The following KIAA2012 variants were observed in gnomAD, a reference collection of about 807,000 sequenced individuals.
KIAA2012 encodes uncharacterized protein KIAA2012.
In KIAA2012, 125 loss-of-function variants were observed where a neutral mutation model predicts 150.6. The observed-to-expected ratio is 0.83, with a 90% CI of 0.72 to 0.96. The LOEUF (loss-of-function observed/expected upper bound fraction) is 0.96, where lower values mean the gene tolerates loss of function less well. KIAA2012 is among the 40% of genes least tolerant of loss of function. KIAA2012 has a pLI of 0.00. For missense variants in KIAA2012, 1,219 were observed against 1,354.9 expected (o/e 0.90, Z 1.57); for synonymous variants, 462 against 504.7 (o/e 0.92, Z 1.13).
At chr2:202,190,095 A>G (rs1247341484) in intron 18 of KIAA2012, 79 bp from the exon 19 acceptor site, 20 of 1,243,550 alleles carry the variant, frequency 1.6e-5, no homozygotes, top group Non-Finnish European at 2.1e-5. Flanking sequence ...CTCAAAAAAA[A>G]AAAGTTACTA....
rs1410958613 is a variant in KIAA2012, at chr2:202,190,499, G to T, written c.2811+6G>T. ...GATGTGAGGACCCTTCCAAGGTAGG[G>T]TCTGATGTCCTCAGCTTGACAGAGG... On this transcript the variant is annotated splice_donor_region_variant and intron_variant, in intron 19 of 23. Coordinates refer to ENST00000498697, the MANE Select transcript of KIAA2012 (RefSeq NM_001277372.4). 2.0e-6 allele frequency: 3 copies of T among 1,492,798 alleles called. No homozygotes were observed. Among genetic ancestry groups the T allele is most frequent in the Non-Finnish European group, 2.7e-6 (3 of 1,119,748 alleles). The allele number at this position is 1,492,798 out of a possible 1,614,324, so 92.5% of individuals were successfully genotyped here. A position where few individuals can be genotyped will look rare whatever the true frequency, so the allele number is the denominator to read the frequency against.
At chr2:202,146,496 G>A (rs1691299658) in intron 13 of KIAA2012, among the ~76,000 whole-genome samples, 1 of 152,062 alleles carries the variant, frequency 6.6e-6, no homozygotes, top group Non-Finnish European at 1.5e-5. Context: ...GCCAGGTGTG[G>A]TAGTACTCAC....
intron 22 of KIAA2012, among the ~76,000 whole-genome samples, chr2:202,200,697 AATTTT>A (rs1692501166): frequency 7.9e-6 from 1 of 127,032 alleles, no homozygotes; most frequent in Non-Finnish European, 1.6e-5. Flanking sequence ...CAATCAGAAT[AATTTT>A]GGAACTTTTT....
intron 10 of KIAA2012, among the ~76,000 whole-genome samples, chr2:202,111,045 A>G (rs1040223000): frequency 1.3e-5 from 2 of 152,088 alleles, no homozygotes; most frequent in Non-Finnish European, 2.9e-5. Flanking sequence ...TGTGACAGCA[A>G]TGCTCTTTTC....
intron 8 of KIAA2012, among the ~76,000 whole-genome samples, chr2:202,105,117 A>C (rs963284817): frequency 7.3e-6 from 1 of 137,108 alleles, no homozygotes; most frequent in Admixed American, 7.3e-5. Flanking sequence ...GCAAAAATAA[A>C]GAAAAGGAAA....
intron 15 of KIAA2012, among the ~76,000 whole-genome samples, chr2:202,169,114 C>T (rs1310227676): frequency 6.6e-6 from 1 of 152,116 alleles, no homozygotes; most frequent in East Asian, 1.9e-4. Context: ...TGCACAAATG[C>T]TTAATTGGGT....
intron 6 of KIAA2012, 42 bp from the exon 7 acceptor site, chr2:202,100,265 A>G (rs1377789714): frequency 6.5e-7 from 1 of 1,530,170 alleles, no homozygotes; most frequent in Admixed American, 2.0e-5. Flanking sequence ...TCATCCCCCT[A>G]CCTGCAATTA....
chr2:202,098,722 T>C (rs1259013113), intron 5 of KIAA2012, among the ~76,000 whole-genome samples: 2 of 152,098 alleles, frequency 1.3e-5, no homozygotes, highest in East Asian at 1.9e-4. Context: ...TATTATCATA[T>C]GTCTAACAAG....
At chr2:202,107,882 A>G (rs771412505) in intron 9 of KIAA2012, among the ~76,000 whole-genome samples, 1 of 152,040 alleles carries the variant, frequency 6.6e-6, no homozygotes, top group African/African-American at 2.4e-5. Context: ...GGTGGCACAC[A>G]CCTGTAATCC....
At chr2:202,170,932 A>G (rs1038088211) in intron 15 of KIAA2012, among the ~76,000 whole-genome samples, 9 of 152,190 alleles carry the variant, frequency 5.9e-5, no homozygotes, top group African/African-American at 9.7e-5. Flanking sequence ...AGATGAGACA[A>G]TTGAGGCACA....
At chr2:202,186,002 A>G (rs1007770231) in intron 16 of KIAA2012, among the ~76,000 whole-genome samples, 10 of 152,200 alleles carry the variant, frequency 6.6e-5, no homozygotes, top group African/African-American at 2.2e-4. Flanking sequence ...AGCTAAAAAA[A>G]ATAAAATAAA....
At chr2:202,197,220 A>C (rs1692431762) in intron 22 of KIAA2012, 2 of 828,026 alleles carry the variant, frequency 2.4e-6, no homozygotes, top group Admixed American at 2.9e-5. Context: ...GTTGTAATGA[A>C]TCTACAAGGG....
rs1690013368 is a variant in KIAA2012, at chr2:202,100,418, T to G, written c.1124T>G (p.Ile375Arg). ...PPVASATGSRIITPGEVKKKK... is the reference protein window; with the variant it reads ...PPVASATGSRRITPGEVKKKK... ...GTAGCATCTGCCACTGGCTCCAGAA[T>G]AATCACCCCTGGGGAAGTGAAGAAG... The change falls in exon 7 of 24, where the codon ATA becomes AGA. Residue 375 changes from isoleucine (I) to arginine (R), a missense_variant. By Grantham distance (97) the Ile-to-Arg change is moderately conservative (BLOSUM62 -3). Coordinates refer to ENST00000498697, the MANE Select transcript of KIAA2012 (RefSeq NM_001277372.4). 1 of 1,550,408 alleles carries G rather than the reference T, an allele frequency of 6.4e-7. No homozygotes were observed. The highest frequency in any genetic ancestry group is 2.0e-5 in the Admixed American group (1 of 50,980).
At chr2:202,144,629 A>G (rs769012317) in intron 13 of KIAA2012, among the ~76,000 whole-genome samples, 2 of 152,030 alleles carry the variant, frequency 1.3e-5, no homozygotes, top group African/African-American at 2.4e-5. Context: ...CCTGCCTTCT[A>G]TAAGGCTGTT....
At chr2:202,101,032 C>T (rs1409106694) in intron 7 of KIAA2012, among the ~76,000 whole-genome samples, 1 of 152,136 alleles carries the variant, frequency 6.6e-6, no homozygotes, top group Non-Finnish European at 1.5e-5. Flanking sequence ...CAAGCAAGGG[C>T]CCCCGGATGT....
intron 15 of KIAA2012, among the ~76,000 whole-genome samples, chr2:202,171,299 G>A (rs949501391): frequency 6.6e-6 from 1 of 152,182 alleles, no homozygotes; most frequent in Non-Finnish European, 1.5e-5. Flanking sequence ...GTGGCCAATC[G>A]GGGAGGGAGG....
Position 202,154,658 on chromosome 2 carries a change from T to C in KIAA2012, c.1909-15T>C. 1 of 1,523,656 alleles carries C rather than the reference T, an allele frequency of 6.6e-7. No individual in the cohort carries two copies. The highest frequency in any genetic ancestry group is 1.3e-5 in the South Asian group (1 of 79,158). 94.4% of individuals were successfully genotyped at this position (1,523,656 alleles called of 1,614,324 possible). ...CATTCATATGAAAGTTCGGGCTTTC[T>C]GCTTCTCTTCACAGGGAGCCCAGCA... is the stretch of plus-strand genomic sequence containing the variant. On this transcript the variant is annotated splice_polypyrimidine_tract_variant and intron_variant, in intron 13 of 23. Coordinates refer to ENST00000498697, the MANE Select transcript of KIAA2012 (RefSeq NM_001277372.4).
chr2:202,191,045 G>A (rs1692319589), intron 19 of KIAA2012, among the ~76,000 whole-genome samples: 1 of 151,922 alleles, frequency 6.6e-6, no homozygotes, highest in African/African-American at 2.4e-5. Flanking sequence ...TTGGGAAGCT[G>A]AGGAGGGTGG....
chr2:202,130,234 T>C (rs1169182524), intron 12 of KIAA2012, among the ~76,000 whole-genome samples: 3 of 152,168 alleles, frequency 2.0e-5, no homozygotes, highest in African/African-American at 7.2e-5. Context: ...CAAAGAACTC[T>C]CTCTCTTTTT....
Sources: gnomAD v4.1 joint callset for allele counts (sites outside exome capture counted in the v4.1 genomes callset) on GRCh38, gnomAD v4.1.1 for gene constraint, MANE v1.5 for transcripts, NCBI Gene and HGNC (gene_info 2026-07-23, HGNC 2026-07-21) for gene names.